Variants in KCNIP1 observed in about 807,000 individuals in gnomAD.
KCNIP1 encodes the protein potassium voltage-gated channel interacting protein 1.
KCNIP1 carries 18 observed loss-of-function variants against 33.0 expected under a neutral mutation model. That is an observed-to-expected ratio of 0.55 (90% confidence interval 0.38 to 0.81). The LOEUF is 0.81. Among genes scored for constraint, KCNIP1 ranks in the 30% least tolerant of loss-of-function variants. The probability of loss-of-function intolerance (pLI) is 0.00; values close to 1 mark genes in which losing one functional copy is unlikely to be tolerated. For synonymous variants in KCNIP1, 93 were observed against 98.3 expected (o/e 0.95, Z 0.32); for missense variants, 238 against 271.6 (o/e 0.88, Z 0.87).
At chr5:170,656,090 G>A (rs1401988964) in intron 1 of KCNIP1, among the ~76,000 whole-genome samples, 2 of 152,040 alleles carry the variant, frequency 1.3e-5, no homozygotes, top group African/African-American at 4.8e-5. Flanking sequence ...AGCGAGAGTA[G>A]CACGGCTCTG....
intron 1 of KCNIP1, among the ~76,000 whole-genome samples, chr5:170,496,325 T>C (rs541421709): frequency 1.4e-4 from 21 of 152,302 alleles, no homozygotes; most frequent in Non-Finnish European, 7.4e-5. Context: ...GAAACAGTGC[T>C]AGAAGTCAGT....
At chr5:170,572,392 G>A (rs1042999397) in intron 1 of KCNIP1, among the ~76,000 whole-genome samples, 12 of 152,130 alleles carry the variant, frequency 7.9e-5, no homozygotes, top group Non-Finnish European at 1.5e-4. Flanking sequence ...TCCAATACCC[G>A]GAATGCACCG....
At chr5:170,552,334 G>A (rs941114997) in intron 1 of KCNIP1, among the ~76,000 whole-genome samples, 3 of 152,188 alleles carry the variant, frequency 2.0e-5, no homozygotes, top group East Asian at 1.9e-4. Flanking sequence ...ACCAGTTTGC[G>A]TTTTCATGGA....
chr5:170,606,239 C>G (rs1758914073), intron 1 of KCNIP1, among the ~76,000 whole-genome samples: 1 of 152,206 alleles, frequency 6.6e-6, no homozygotes, highest in Non-Finnish European at 1.5e-5. Context: ...ACACTTGTCT[C>G]TAATTCTTTG....
At chr5:170,406,196 C>A (rs1581161560) in intron 1 of KCNIP1, among the ~76,000 whole-genome samples, 1 of 152,302 alleles carries the variant, frequency 6.6e-6, no homozygotes, top group East Asian at 1.9e-4. Flanking sequence ...ATTGGGATCA[C>A]CATGAGCAGT....
At chr5:170,575,232 C>A (rs1757557769) in intron 1 of KCNIP1, among the ~76,000 whole-genome samples, 1 of 152,152 alleles carries the variant, frequency 6.6e-6, no homozygotes, top group African/African-American at 2.4e-5. Flanking sequence ...AGTTTTATAG[C>A]TGAATAAGAG....
intron 1 of KCNIP1, among the ~76,000 whole-genome samples, chr5:170,526,284 T>G (rs1338013038): frequency 6.6e-6 from 1 of 152,206 alleles, no homozygotes; most frequent in Non-Finnish European, 1.5e-5. Flanking sequence ...TACTACACAC[T>G]CAATAATGCC....
At chr5:170,587,801 T>A (rs1406853114) in intron 1 of KCNIP1, among the ~76,000 whole-genome samples, 1 of 152,240 alleles carries the variant, frequency 6.6e-6, no homozygotes, top group African/African-American at 2.4e-5. Flanking sequence ...CTGCAAAATC[T>A]CTCTTACCAT....
At chr5:170,690,697 C>A (rs1320448735) in intron 1 of KCNIP1, among the ~76,000 whole-genome samples, 1 of 152,246 alleles carries the variant, frequency 6.6e-6, no homozygotes, top group African/African-American at 2.4e-5. Context: ...CCCCAGCCCT[C>A]AGGCACATCA....
chr5:170,496,512 A>G (rs560335892), intron 1 of KCNIP1, among the ~76,000 whole-genome samples: 1 of 152,300 alleles, frequency 6.6e-6, no homozygotes, highest in East Asian at 1.9e-4. Context: ...GTCTTTCCTT[A>G]TGGGGCTATT....
At chr5:170,527,774 C>G (rs1396710961) in intron 1 of KCNIP1, among the ~76,000 whole-genome samples, 2 of 150,298 alleles carry the variant, frequency 1.3e-5, no homozygotes, top group African/African-American at 4.9e-5. Context: ...ATGCATGTCT[C>G]AAAACAATAT....
At chr5:170,503,393 CAAA>C (rs10628243), upstream of KCNIP1, among the ~76,000 whole-genome samples, 1 of 112,514 alleles carries the variant, frequency 8.9e-6, no homozygotes. Flanking sequence ...GACTCCGTCT[CAAA>C]AAAAAAAAAA....
intron 1 of KCNIP1, among the ~76,000 whole-genome samples, chr5:170,370,098 GGA>G (rs958601937): frequency 6.6e-6 from 1 of 152,030 alleles, no homozygotes; most frequent in Non-Finnish European, 1.5e-5. Flanking sequence ...AAGCAAGAGG[GGA>G]GAGAGAGAGG....
intron 1 of KCNIP1, among the ~76,000 whole-genome samples, chr5:170,386,216 G>A (rs887112140): frequency 1.3e-5 from 2 of 152,170 alleles, no homozygotes; most frequent in Non-Finnish European, 2.9e-5. Context: ...TAATCCCAAG[G>A]GTCCTAATAA....
chr5:170,426,758 G>A (rs1220031181), intron 1 of KCNIP1, among the ~76,000 whole-genome samples: 1 of 152,264 alleles, frequency 6.6e-6, no homozygotes, highest in Non-Finnish European at 1.5e-5. Context: ...AGCCAAGAAA[G>A]AACTTCTGGG....
intron 1 of KCNIP1, among the ~76,000 whole-genome samples, chr5:170,365,667 C>T (rs758147976): frequency 1.1e-4 from 17 of 152,182 alleles, no homozygotes; most frequent in Non-Finnish European, 1.5e-4. Flanking sequence ...GGCTGTGTTC[C>T]CCTCCAGCCC....
intron 1 of KCNIP1, among the ~76,000 whole-genome samples, chr5:170,401,581 T>C (rs954487789): frequency 6.6e-6 from 1 of 151,926 alleles, no homozygotes; most frequent in African/African-American, 2.4e-5. Flanking sequence ...CTGGGCAACA[T>C]AGTGAGACCC....
chr5:170,567,786 G>T (rs768630303), intron 1 of KCNIP1, among the ~76,000 whole-genome samples: 19 of 152,224 alleles, frequency 1.2e-4, no homozygotes, highest in Non-Finnish European at 2.6e-4. Flanking sequence ...GTTAATGGAT[G>T]ATGGGAAATG....
intron 1 of KCNIP1, among the ~76,000 whole-genome samples, chr5:170,395,908 T>C (rs368115592): frequency 2.0e-5 from 3 of 152,266 alleles, no homozygotes; most frequent in African/African-American, 7.2e-5. Flanking sequence ...GCAGCAAAGG[T>C]AGACTCCTGT....
Sources: gnomAD v4.1 joint callset for allele counts (sites outside exome capture counted in the v4.1 genomes callset) on GRCh38, gnomAD v4.1.1 for gene constraint, MANE v1.5 for transcripts, NCBI Gene and HGNC (gene_info 2026-07-23, HGNC 2026-07-21) for gene names.